The following CBLB variants were observed in gnomAD, a reference collection of about 807,000 sequenced individuals.
The protein encoded by CBLB is E3 ubiquitin-protein ligase CBL-B.
Under a neutral mutation model 104.9 loss-of-function variants are expected in CBLB, and 31 were observed. The observed-to-expected ratio is 0.30, with a 90% confidence interval of 0.22 to 0.40. The LOEUF is 0.40. Ranked by LOEUF, CBLB falls within the 10% of genes least tolerant of loss-of-function variation. The pLI is 1.00. For missense variants in CBLB, 1,062 were observed against 1,214.6 expected (o/e 0.87, Z 1.87); for synonymous variants, 440 against 422.6 (o/e 1.04, Z -0.51).
At chr3:105,806,992 C>T (rs374600749) in intron 3 of CBLB, among the ~76,000 whole-genome samples, 11 of 152,216 alleles carry the variant, frequency 7.2e-5, no homozygotes, top group African/African-American at 2.4e-4. Context: ...CACAGGGACA[C>T]GAACAAGCTC....
In CBLB at chr3:105,803,378, G is replaced by GT. The variant is rs1444180343; in HGVS notation, c.420-26837dup. On this transcript the variant is annotated intron_variant, in intron 3 of 18. Transcript: ENST00000394030. ...GCTTGCATGTCTCAGATTCTCCTCC[G>GT]TAAGTGCTATTTCCTATTAAATACG... 2.6e-5 allele frequency among the ~76,000 whole-genome samples: 4 copies of GT among 152,056 alleles called. No individual in the cohort carries two copies. The East Asian group carries it at 7.7e-4, about 29-fold the overall frequency.
At chr3:105,762,149 A>G (rs2077704221) in intron 4 of CBLB, 1 of 152,216 alleles carries the variant, frequency 6.6e-6, no homozygotes, top group Non-Finnish European at 1.5e-5. Flanking sequence ...AGTTTTATTC[A>G]TTCACAAAGA....
intron 3 of CBLB, among the ~76,000 whole-genome samples, chr3:105,837,477 C>T: frequency 6.6e-6 from 1 of 152,134 alleles, no homozygotes; most frequent in Non-Finnish European, 1.5e-5. Context: ...AGCTCAGATA[C>T]AGAACTAATA....
chr3:105,777,980 A>C (rs187420615), intron 3 of CBLB, among the ~76,000 whole-genome samples: 264 of 152,350 alleles, frequency 1.7e-3, no homozygotes, highest in Middle Eastern at 3.4e-3. Context: ...AGTTTCAAAC[A>C]AACTTTATTT....
Position 105,808,490 on chromosome 3 carries a change from C to A in CBLB, c.420-31948G>T, listed in dbSNP as rs568740053. 1.1e-3 allele frequency among the ~76,000 whole-genome samples: 162 copies of A among 152,252 alleles called. 2 individuals carry two copies. Among genetic ancestry groups the A allele is most frequent in the African/African-American group, 3.7e-3 (155 of 41,558 alleles). Reference sequence around the variant, plus strand: ...ATATAAACTTTATGCCAGTTTCATGCTGTATACTAAGCTGTCTTATGTCAT... The same window carrying A: ...ATATAAACTTTATGCCAGTTTCATGATGTATACTAAGCTGTCTTATGTCAT... On this transcript the variant is annotated intron_variant, in intron 3 of 18. Transcript: ENST00000394030.
At chr3:105,835,028 T>C (rs1166353982) in intron 3 of CBLB, among the ~76,000 whole-genome samples, 2 of 152,206 alleles carry the variant, frequency 1.3e-5, no homozygotes, top group Non-Finnish European at 2.9e-5. Flanking sequence ...CTTTCACATA[T>C]CACTTATTAA....
chr3:105,714,621 C>A (rs930707908), intron 10 of CBLB, among the ~76,000 whole-genome samples: 1 of 152,158 alleles, frequency 6.6e-6, no homozygotes, highest in African/African-American at 2.4e-5. Context: ...GGCGGTAATG[C>A]GAGCTGTGGG....
chr3:105,704,539 A>T (rs915308097), intron 10 of CBLB, among the ~76,000 whole-genome samples: 2 of 152,162 alleles, frequency 1.3e-5, no homozygotes, highest in African/African-American at 4.8e-5. Context: ...TCTCTATATT[A>T]TAAATTTTTT....
chr3:105,783,243 T>A (rs887406867), intron 3 of CBLB, among the ~76,000 whole-genome samples: 1 of 150,908 alleles, frequency 6.6e-6, no homozygotes, highest in African/African-American at 2.4e-5. Context: ...TGAATAAAAA[T>A]ACATAAGACA....
At chr3:105,692,531 G>A (rs377388674) in intron 13 of CBLB, among the ~76,000 whole-genome samples, 36 of 152,048 alleles carry the variant, frequency 2.4e-4, no homozygotes, top group African/African-American at 8.5e-4. Flanking sequence ...AGCACAGGAG[G>A]AACAGCATAA....
At chr3:105,775,820 A>G (rs1209725498) in intron 4 of CBLB, among the ~76,000 whole-genome samples, 1 of 152,186 alleles carries the variant, frequency 6.6e-6, no homozygotes, top group Non-Finnish European at 1.5e-5. Context: ...CATCTTTGTG[A>G]TAACATTATC....
intron 10 of CBLB, among the ~76,000 whole-genome samples, chr3:105,715,487 T>C (rs1322589986): frequency 6.6e-6 from 1 of 152,226 alleles, no homozygotes; most frequent in Admixed American, 6.5e-5. Context: ...GAACTCCAGC[T>C]GTGGGATATC....
At chr3:105,827,208 A>C (rs746855725) in intron 3 of CBLB, among the ~76,000 whole-genome samples, 2 of 134,922 alleles carry the variant, frequency 1.5e-5, no homozygotes, top group African/African-American at 5.5e-5. Context: ...GCTGTCATTC[A>C]GTGAAGCTAT....
chr3:105,780,631 A>C (rs908259196), intron 3 of CBLB, among the ~76,000 whole-genome samples: 4 of 148,988 alleles, frequency 2.7e-5, no homozygotes, highest in African/African-American at 9.9e-5. Flanking sequence ...TTTGTAATAA[A>C]TAATTTTACA....
At chr3:105,802,545 AT>A (rs1348500067) in intron 3 of CBLB, among the ~76,000 whole-genome samples, 1 of 152,224 alleles carries the variant, frequency 6.6e-6, no homozygotes, top group Non-Finnish European at 1.5e-5. Flanking sequence ...GTCCCACGGG[AT>A]TTGTAACGGA....
chr3:105,808,691 T>A (rs2083845797), intron 3 of CBLB, among the ~76,000 whole-genome samples: 1 of 152,204 alleles, frequency 6.6e-6, no homozygotes, highest in Non-Finnish European at 1.5e-5. Flanking sequence ...CAGGTTAAAG[T>A]ACACTGAAGA....
intron 3 of CBLB, among the ~76,000 whole-genome samples, chr3:105,794,994 C>A (rs1399143223): frequency 6.6e-6 from 1 of 151,544 alleles, no homozygotes; most frequent in Admixed American, 6.6e-5. Context: ...CAGCTCACTG[C>A]AATCTGTCTC....
chr3:105,692,539 T>C, intron 13 of CBLB, among the ~76,000 whole-genome samples: 1 of 151,994 alleles, frequency 6.6e-6, no homozygotes, highest in South Asian at 2.1e-4. Flanking sequence ...AGGAACAGCA[T>C]AAAAATCTCA....
chr3:105,669,738 A>T (rs2064865204), intron 18 of CBLB, among the ~76,000 whole-genome samples: 1 of 152,204 alleles, frequency 6.6e-6, no homozygotes, highest in South Asian at 2.1e-4. Context: ...CAAGAAGCAA[A>T]GAAGCAGCAT....
Sources: allele counts gnomAD v4.1 joint callset (sites outside exome capture counted in the v4.1 genomes callset), GRCh38; gene constraint gnomAD v4.1.1; transcripts MANE v1.5; gene names NCBI Gene and HGNC (gene_info 2026-07-23, HGNC 2026-07-21).